PITPNC1: variants seen among roughly 807,000 people sequenced by gnomAD.
PITPNC1 encodes the protein phosphatidylinositol transfer protein cytoplasmic 1.
In PITPNC1, 18 loss-of-function variants were observed where a neutral mutation model predicts 44.7. The observed-to-expected ratio is 0.40, with a 90% CI of 0.28 to 0.60. The LOEUF (loss-of-function observed/expected upper bound fraction) is 0.60. PITPNC1 is among the 20% of genes least tolerant of loss of function. The pLI, the probability that PITPNC1 is intolerant of heterozygous loss-of-function variation, is 0.39. For missense variants in PITPNC1, 290 were observed against 418.4 expected, an observed-to-expected ratio of 0.69 and a Z score of 2.68; for synonymous variants, 141 against 149.6, an observed-to-expected ratio of 0.94 and a Z score of 0.42.
chr17:67,616,379 G>A (rs2041757808), intron 5 of PITPNC1, among the ~76,000 whole-genome samples: 1 of 152,152 alleles, frequency 6.6e-6, no homozygotes, highest in South Asian at 2.1e-4. Context: ...GACCTGAGGT[G>A]ATCCACCAGC....
At position 67,530,085 on chromosome 17, in the gene PITPNC1, CT is replaced by C. The variant is rs796278390; in HGVS notation, c.49-2693del. ...ATCCGGTTCGGACCTCAACCCTTGG[CT>C]TTTTTTTTTTTTTTTTTTTTTTTGA... On this transcript the variant is annotated intron_variant, in intron 1 of 8. Coordinates refer to ENST00000581322, the MANE Select transcript of PITPNC1 (RefSeq NM_012417.4). Among the ~76,000 whole-genome samples, 597 of 71,242 alleles carry C rather than the reference CT, an allele frequency of 8.4e-3. 2 individuals carry two copies. Among genetic ancestry groups the C allele is most frequent in the African/African-American group, 0.028 (488 of 17,306 alleles). The allele number at this position is 71,242 out of a possible 152,430, so 46.7% of individuals were successfully genotyped here.
intron 6 of PITPNC1, among the ~76,000 whole-genome samples, chr17:67,635,352 G>A (rs989798900): frequency 6.6e-6 from 1 of 152,150 alleles, no homozygotes; most frequent in Non-Finnish European, 1.5e-5. Context: ...GTGGGGATGA[G>A]GTTGAAGGAG....
At chr17:67,397,107 A>G (rs1420470402) in intron 1 of PITPNC1, among the ~76,000 whole-genome samples, 1 of 152,010 alleles carries the variant, frequency 6.6e-6, no homozygotes, top group Non-Finnish European at 1.5e-5. Flanking sequence ...CAGCCTCCCA[A>G]GTAGCTGGGA....
intron 1 of PITPNC1, among the ~76,000 whole-genome samples, chr17:67,453,159 A>G (rs762182878): frequency 3.9e-5 from 6 of 152,122 alleles, no homozygotes; most frequent in Non-Finnish European, 8.8e-5. Flanking sequence ...TGTTGAGTGA[A>G]TGAGCAAACT....
chr17:67,610,313 G>A (rs1345562000), intron 5 of PITPNC1, among the ~76,000 whole-genome samples: 1 of 152,178 alleles, frequency 6.6e-6, no homozygotes, highest in East Asian at 1.9e-4. Flanking sequence ...TTCTGTGCAA[G>A]GAACTTAAGC....
intron 1 of PITPNC1, among the ~76,000 whole-genome samples, chr17:67,446,709 ATTGAATGGTGGGTTT>A (rs2039101319): frequency 6.6e-6 from 1 of 151,820 alleles, no homozygotes; most frequent in South Asian, 2.1e-4. Flanking sequence ...CTCTGGGTCC[ATTGAATGGTGGGTTT>A]TTGAATGGTG....
chr17:67,464,704 T>A (rs1336662970), intron 1 of PITPNC1, among the ~76,000 whole-genome samples: 1 of 151,914 alleles, frequency 6.6e-6, no homozygotes, highest in African/African-American at 2.4e-5. Flanking sequence ...TTTAATAAAG[T>A]TCGTAGGGTG....
At chr17:67,460,373 C>A (rs944087944) in intron 1 of PITPNC1, among the ~76,000 whole-genome samples, 1 of 151,994 alleles carries the variant, frequency 6.6e-6, no homozygotes, top group Non-Finnish European at 1.5e-5. Context: ...AGGCAGGATT[C>A]TTTCGTGGAT....
rs557899776 is a variant in PITPNC1 at position 67,637,355 on chromosome 17, C to T, written c.462+5117C>T. Among the ~76,000 whole-genome samples, 7 of 151,968 alleles carry T rather than the reference C, an allele frequency of 4.6e-5. No individual in the cohort carries two copies. In the South Asian group the frequency reaches 8.3e-4, roughly 18 times the overall value. ...CTTCCCATCCATCTTTGTAAGTTGA[C>T]GATGTCAGCGTCCTAAATAGAAACG... On this transcript the variant is annotated intron_variant, in intron 6 of 8. Transcript: ENST00000581322.
chr17:67,669,396 G>C (rs150650481), intron 6 of PITPNC1, 112 bp from the exon 7 acceptor site: 4 of 779,118 alleles, frequency 5.1e-6, no homozygotes, highest in Non-Finnish European at 7.9e-6. Context: ...GATTACAGGC[G>C]TGAGCCACCA....
intron 1 of PITPNC1, among the ~76,000 whole-genome samples, chr17:67,429,737 A>T: frequency 6.6e-6 from 1 of 152,068 alleles, no homozygotes; most frequent in East Asian, 1.9e-4. Context: ...TTCTACCACC[A>T]TTATTCTTTT....
intron 6 of PITPNC1, among the ~76,000 whole-genome samples, chr17:67,633,395 T>C (rs1159206634): frequency 1.3e-5 from 2 of 152,148 alleles, no homozygotes; most frequent in Non-Finnish European, 2.9e-5. Context: ...TGCCTCCACA[T>C]TTTGGGGTTC....
At position 67,378,113 on chromosome 17, in the gene PITPNC1, G is replaced by A; in HGVS notation, c.-42G>A. 2 of 1,454,248 alleles carry A rather than the reference G, an allele frequency of 1.4e-6. No individual in the cohort carries two copies. Among genetic ancestry groups the A allele is most frequent in the Non-Finnish European group, 9.3e-7 (1 of 1,079,780 alleles). 90.1% of individuals were successfully genotyped at this position (1,454,248 alleles called of 1,614,324 possible). A position where few individuals can be genotyped will look rare whatever the true frequency, so the allele number is the denominator to read the frequency against. ...CAGCAGCCTTGCTGGTCTTGGGGGCGCCCCCCGCTTCCCGCCCCGGGGGTC... is the reference window on the plus strand; with the variant it reads ...CAGCAGCCTTGCTGGTCTTGGGGGCACCCCCCGCTTCCCGCCCCGGGGGTC... On this transcript the variant is annotated 5_prime_UTR_variant, in exon 1 of 9. Transcript: ENST00000581322.
intron 4 of PITPNC1, among the ~76,000 whole-genome samples, chr17:67,556,963 G>T (rs966616078): frequency 3.9e-5 from 6 of 152,106 alleles, no homozygotes; most frequent in African/African-American, 1.4e-4. Context: ...ATATGAGGAG[G>T]TTTCTCAGAG....
intron 5 of PITPNC1, among the ~76,000 whole-genome samples, chr17:67,602,255 G>A (rs140154507): frequency 1.1e-4 from 17 of 152,330 alleles, no homozygotes; most frequent in African/African-American, 3.4e-4. Context: ...TTGGAGTCCA[G>A]TGAAGACTCT....
chr17:67,545,739 CAT>C (rs2040671281), intron 2 of PITPNC1, among the ~76,000 whole-genome samples: 1 of 152,046 alleles, frequency 6.6e-6, no homozygotes, highest in Non-Finnish European at 1.5e-5. Flanking sequence ...AGACTGTATA[CAT>C]AGTCTATACA....
chr17:67,524,027 G>C (rs1332975836), intron 1 of PITPNC1, among the ~76,000 whole-genome samples: 1 of 151,980 alleles, frequency 6.6e-6, no homozygotes, highest in African/African-American at 2.4e-5. Flanking sequence ...GGCCAGGCTA[G>C]TCTTGAACTC....
intron 8 of PITPNC1, chr17:67,687,261 T>C: frequency 1.3e-6 from 1 of 799,492 alleles, no homozygotes; most frequent in Non-Finnish European, 2.2e-6. Context: ...ATACTGCAGA[T>C]GCCCGGTTCG....
intron 1 of PITPNC1, among the ~76,000 whole-genome samples, chr17:67,480,969 G>C (rs1023381352): frequency 2.6e-5 from 4 of 152,190 alleles, no homozygotes; most frequent in African/African-American, 7.2e-5. Context: ...CAATTTGGGA[G>C]GCTGAGGTGG....
Sources: gnomAD v4.1 joint callset for allele counts (sites outside exome capture counted in the v4.1 genomes callset) on GRCh38, gnomAD v4.1.1 for gene constraint, MANE v1.5 for transcripts, NCBI Gene and HGNC (gene_info 2026-07-23, HGNC 2026-07-21) for gene names.